Variants in ESR1 observed in about 807,000 individuals in gnomAD.
ESR1 encodes the protein estrogen receptor 1, also known as estrogen receptor.
Under a neutral mutation model 52.7 loss-of-function variants are expected in ESR1, and 12 were observed. The observed-to-expected ratio is 0.23, with a 90% CI of 0.15 to 0.37. The LOEUF is 0.37. Ranked by LOEUF, ESR1 falls within the 10% of genes least tolerant of loss-of-function variation. The pLI is 1.00. For synonymous variants in ESR1, 305 were observed against 316.8 expected (o/e 0.96, Z 0.39); for missense variants, 584 against 779.7 (o/e 0.75, Z 2.99).
chr6:151,728,196 A>G (rs1781983706), intron 2 of ESR1, among the ~76,000 whole-genome samples: 1 of 152,166 alleles, frequency 6.6e-6, no homozygotes, highest in African/African-American at 2.4e-5. Flanking sequence ...ATCCTTCTCT[A>G]TAAAGGAGGA....
chr6:151,850,107 T>C (rs1332247006), intron 2 of ESR1, among the ~76,000 whole-genome samples: 2 of 1,948 alleles, frequency 1.0e-3, no homozygotes, highest in Non-Finnish European at 1.9e-3. Flanking sequence ...TATATATATA[T>C]ACAAAATTAT....
intron 3 of ESR1, among the ~76,000 whole-genome samples, chr6:151,887,398 A>G (rs1321611011): frequency 6.6e-6 from 1 of 152,124 alleles, no homozygotes; most frequent in East Asian, 1.9e-4. Context: ...TTGCAAACAA[A>G]TATACTGAAT....
chr6:151,690,534 A>G (rs1313452717), exon 1 of ESR1: 1 of 152,150 alleles, frequency 6.6e-6, no homozygotes, highest in Non-Finnish European at 1.5e-5. Flanking sequence ...CTCAGAACGG[A>G]TTTTACCAAA....
At chr6:151,921,307 A>G (rs2031620104) in intron 3 of ESR1, among the ~76,000 whole-genome samples, 1 of 152,072 alleles carries the variant, frequency 6.6e-6, no homozygotes, top group Non-Finnish European at 1.5e-5. Flanking sequence ...GGGTTTATGT[A>G]CCACATTTTC....
At position 151,897,301 on chromosome 6, in the gene ESR1, G is replaced by A. The variant is rs193118739; in HGVS notation, c.760+16530G>A. On this transcript the variant is annotated intron_variant, in intron 3 of 7. Coordinates refer to ENST00000206249, the MANE Select transcript of ESR1 (RefSeq NM_000125.4). Reference sequence around the variant, plus strand: ...AGTATTGAAGTCCCCCACTATTATTGTATTGCTGTCTGTCTCATTACTTAG... The same window carrying A: ...AGTATTGAAGTCCCCCACTATTATTATATTGCTGTCTGTCTCATTACTTAG... Among the ~76,000 whole-genome samples the A allele has an allele frequency of 1.4e-4, 21 of 152,204 alleles. No homozygotes were observed. In the East Asian group the frequency reaches 3.9e-3, roughly 28 times the overall value.
At position 152,046,374 on chromosome 6, in the gene ESR1, G is replaced by T. The variant is rs1402253847; in HGVS notation, c.1236-14617G>T. Among the ~76,000 whole-genome samples, 6 of 152,276 alleles carry T rather than the reference G, an allele frequency of 3.9e-5. No individual in the cohort carries two copies. The East Asian group carries it at 1.2e-3, about 29-fold the overall frequency. On this transcript the variant is annotated intron_variant, in intron 5 of 7. Transcript: ENST00000206249. The stretch of plus-strand genomic sequence containing the variant: ...TACATAATGAATGCTACCTATTGCT[G>T]CACAGTGCCAAATCATTGCACTTTT...
Position 152,079,088 on chromosome 6 carries a change from C to G in ESR1, c.1370-15297C>G, listed in dbSNP as rs544457550. On this transcript the variant is annotated intron_variant, in intron 6 of 7. Transcript: ENST00000206249. ...AACAAAAGGCAGCAGACAGCTTCCG[C>G]AGACTTAAACATCCCTGTCTGACAC... 1.1e-3 allele frequency among the ~76,000 whole-genome samples: 160 copies of G among 152,352 alleles called. 6 individuals carry two copies. In the South Asian group the frequency reaches 0.031, roughly 30 times the overall value.
At chr6:151,978,406 A>C (rs1296676592) in intron 4 of ESR1, among the ~76,000 whole-genome samples, 1 of 152,172 alleles carries the variant, frequency 6.6e-6, no homozygotes, top group Non-Finnish European at 1.5e-5. Context: ...ATAAATTCTA[A>C]CTGGAGTTAA....
At chr6:151,988,820 T>C (rs1341879117) in intron 4 of ESR1, among the ~76,000 whole-genome samples, 1 of 152,232 alleles carries the variant, frequency 6.6e-6, no homozygotes, top group South Asian at 2.1e-4. Flanking sequence ...AATATACTTG[T>C]ATATGAAAAA....
chr6:151,837,224 C>G (rs955322283), intron 1 of ESR1, among the ~76,000 whole-genome samples: 1 of 151,632 alleles, frequency 6.6e-6, no homozygotes, highest in African/African-American at 2.4e-5. Context: ...CTCAGCCTCC[C>G]GAGTAGCTGG....
chr6:151,907,505 T>C (rs1797638557), intron 3 of ESR1, among the ~76,000 whole-genome samples: 1 of 152,106 alleles, frequency 6.6e-6, no homozygotes, highest in Admixed American at 6.6e-5. Context: ...TTCAGGTATG[T>C]CTTTTTTTTT....
chr6:151,709,474 A>T lies in ESR1; in HGVS notation c.-71+7469A>T, dbSNP rs577477569. Among the ~76,000 whole-genome samples the T allele has an allele frequency of 2.0e-5, 3 of 152,304 alleles. No homozygotes were observed. In the South Asian group the frequency reaches 6.2e-4, roughly 32 times the overall value. On this transcript the variant is annotated intron_variant, in intron 2 of 2. Coordinates refer to the ESR1 transcript ENST00000404742. ...TGCAGATATGGCTTTGACATACTGA[A>T]TACATTCGCTTTGGGCATATACCCA...
exon 7 of ESR1, chr6:152,126,466 T>G (rs1237501454): frequency 6.6e-6 from 1 of 152,240 alleles, no homozygotes; most frequent in Middle Eastern, 3.2e-3. Context: ...CTGGTCATTC[T>G]CCTCTGGTCT....
chr6:151,871,535 C>T (rs985245687), intron 2 of ESR1, among the ~76,000 whole-genome samples: 3 of 152,142 alleles, frequency 2.0e-5, no homozygotes, highest in African/African-American at 7.2e-5. Flanking sequence ...TCCCAAGTAG[C>T]TGGGATTACA....
chr6:151,888,816 G>A (rs923514712), intron 3 of ESR1, among the ~76,000 whole-genome samples: 7 of 151,814 alleles, frequency 4.6e-5, no homozygotes, highest in Admixed American at 4.6e-4. Context: ...TGTCATATAT[G>A]GCCTTTATTG....
intron 1 of ESR1, among the ~76,000 whole-genome samples, chr6:151,681,025 C>G (rs1364711095): frequency 6.6e-6 from 1 of 152,156 alleles, no homozygotes; most frequent in African/African-American, 2.4e-5. Flanking sequence ...CTTACCTGTT[C>G]TGCCCACTCA....
intron 2 of ESR1, among the ~76,000 whole-genome samples, chr6:151,878,405 T>A (rs1792223691): frequency 1.3e-5 from 2 of 152,210 alleles, no homozygotes; most frequent in African/African-American, 4.8e-5. Context: ...TGGTTTCTGT[T>A]ATGCAATAGA....
At chr6:152,044,619 G>A (rs2046077529) in intron 5 of ESR1, among the ~76,000 whole-genome samples, 1 of 152,180 alleles carries the variant, frequency 6.6e-6, no homozygotes, top group African/African-American at 2.4e-5. Context: ...GCAAACCACT[G>A]GTGTAGGTCT....
chr6:152,065,212 G>A (rs939840633), intron 6 of ESR1, among the ~76,000 whole-genome samples: 13 of 152,184 alleles, frequency 8.5e-5, no homozygotes, highest in South Asian at 2.1e-4. Context: ...ATTATGCCAC[G>A]TAATTAGATT....
Sources: gnomAD v4.1 joint callset for allele counts (sites outside exome capture counted in the v4.1 genomes callset) on GRCh38, gnomAD v4.1.1 for gene constraint, MANE v1.5 for transcripts, NCBI Gene and HGNC (gene_info 2026-07-23, HGNC 2026-07-21) for gene names.